The following CELF2 variants were observed in gnomAD, a reference collection of about 807,000 sequenced individuals.
The protein encoded by CELF2 is CUGBP Elav-like family member 2.
Under a neutral mutation model 62.6 loss-of-function variants are expected in CELF2, and 8 were observed. The ratio of observed to expected loss-of-function variants is 0.13; its 90% CI spans 0.07 to 0.23. CELF2 has a LOEUF of 0.23. CELF2 is among the 10% of genes least tolerant of loss of function. CELF2 has a pLI of 1.00. For synonymous variants in CELF2, 258 were observed against 250.0 expected, an observed-to-expected ratio of 1.03 and a Z score of -0.30; for missense variants, 333 against 671.0, an observed-to-expected ratio of 0.50 and a Z score of 5.56.
At chr10:10,837,515 C>T (rs1176574705) in intron 1 of CELF2, among the ~76,000 whole-genome samples, 1 of 152,166 alleles carries the variant, frequency 6.6e-6, no homozygotes, top group Non-Finnish European at 1.5e-5. Context: ...CCTTCTATCA[C>T]CCTTGTAGTG....
intron 1 of CELF2, among the ~76,000 whole-genome samples, chr10:10,802,456 C>T (rs368592194): frequency 2.6e-5 from 4 of 152,124 alleles, no homozygotes; most frequent in South Asian, 2.1e-4. Flanking sequence ...GGTGACAGAG[C>T]GAGACTCTGT....
intron 1 of CELF2, among the ~76,000 whole-genome samples, chr10:10,910,449 C>T (rs1372517999): frequency 6.6e-6 from 1 of 152,100 alleles, no homozygotes; most frequent in African/African-American, 2.4e-5. Flanking sequence ...AATCCCAACA[C>T]TTTGGGAGGC....
At chr10:10,989,659 T>C (rs1045645909) in intron 2 of CELF2, among the ~76,000 whole-genome samples, 1 of 152,118 alleles carries the variant, frequency 6.6e-6, no homozygotes, top group Non-Finnish European at 1.5e-5. Context: ...AAGCAAGTTA[T>C]TGAAATCTTT....
chr10:11,058,798 A>T (rs1594289392), intron 1 of CELF2, among the ~76,000 whole-genome samples: 1 of 148,856 alleles, frequency 6.7e-6, no homozygotes, highest in Non-Finnish European at 1.5e-5. Flanking sequence ...TGTTTTGTTT[A>T]GAGTTAGTAT....
At chr10:11,143,693 T>C (rs1321360925) in intron 1 of CELF2, among the ~76,000 whole-genome samples, 1 of 152,238 alleles carries the variant, frequency 6.6e-6, no homozygotes, top group Non-Finnish European at 1.5e-5. Context: ...TTTCGCTATT[T>C]CAAAATGGCT....
At chr10:10,668,585 T>C in the CELF2 span, among the ~76,000 whole-genome samples, 1 of 152,372 alleles carries the variant, frequency 6.6e-6, no homozygotes, top group African/African-American at 2.4e-5. Flanking sequence ...CTTCTGTTTT[T>C]ACTCTCTCTG....
chr10:10,866,564 C>T (rs1167759403), intron 1 of CELF2, among the ~76,000 whole-genome samples: 1 of 145,202 alleles, frequency 6.9e-6, no homozygotes, highest in East Asian at 2.1e-4. Context: ...GAAATCGTGC[C>T]ACTGCACTCC....
chr10:10,682,761 T>A, the CELF2 span, among the ~76,000 whole-genome samples: 172 of 152,350 alleles, frequency 1.1e-3, no homozygotes, highest in African/African-American at 3.6e-3. Context: ...ACTGTTTGAT[T>A]GCACATTTCT....
the CELF2 span, among the ~76,000 whole-genome samples, chr10:10,579,107 T>C: frequency 2.9e-4 from 44 of 151,040 alleles, 1 homozygote; most frequent in Admixed American, 2.9e-3. Flanking sequence ...GTTTAATTAA[T>C]GATTGAAGAA....
intron 9 of CELF2, among the ~76,000 whole-genome samples, chr10:11,289,496 G>T (rs948398930): frequency 6.6e-6 from 1 of 152,222 alleles, no homozygotes; most frequent in East Asian, 1.9e-4. Flanking sequence ...AGAGCTGGCA[G>T]TTCTCAAAAG....
the CELF2 span, among the ~76,000 whole-genome samples, chr10:10,656,219 C>A: frequency 1.3e-5 from 2 of 150,648 alleles, no homozygotes; most frequent in Non-Finnish European, 3.0e-5. Context: ...AGTCAGGAAA[C>A]AACAGGTGCT....
At chr10:11,034,911 G>A (rs10795843) in intron 1 of CELF2, among the ~76,000 whole-genome samples, 1 of 151,848 alleles carries the variant, frequency 6.6e-6, no homozygotes, top group Admixed American at 6.6e-5. Context: ...ATTGACATTC[G>A]AGATCCAACC....
chr10:10,462,671 G>T, the CELF2 span, among the ~76,000 whole-genome samples: 12 of 92,480 alleles, frequency 1.3e-4, no homozygotes, highest in Non-Finnish European at 5.9e-5. Context: ...TGAAGGCTTT[G>T]TCTGTCTAAT....
chr10:11,281,357 G>A (rs1366250982), intron 8 of CELF2, among the ~76,000 whole-genome samples: 2 of 152,188 alleles, frequency 1.3e-5, no homozygotes. Flanking sequence ...AGAACACGAC[G>A]AAGAGCACTG....
the CELF2 span, among the ~76,000 whole-genome samples, chr10:10,493,919 A>C: frequency 6.6e-6 from 1 of 152,154 alleles, no homozygotes; most frequent in Non-Finnish European, 1.5e-5. Flanking sequence ...CTGCCTAGAA[A>C]GTACCATTTT....
chr10:10,968,546 T>C (rs1373492609), intron 2 of CELF2, among the ~76,000 whole-genome samples: 1 of 151,946 alleles, frequency 6.6e-6, no homozygotes, highest in African/African-American at 2.4e-5. Context: ...GAAGTGGGAG[T>C]GTACAGGGAG....
the CELF2 span, among the ~76,000 whole-genome samples, chr10:10,754,810 G>T: frequency 2.0e-5 from 3 of 152,236 alleles, no homozygotes; most frequent in South Asian, 4.2e-4. Context: ...ATGCTCCAAG[G>T]CCTCTCCTAA....
chr10:10,760,658 C>T, the CELF2 span, among the ~76,000 whole-genome samples: 29 of 152,088 alleles, frequency 1.9e-4, no homozygotes, highest in African/African-American at 6.5e-4. Flanking sequence ...GCAGGGAACT[C>T]GGGAAGATTT....
chr10:11,144,070 C>T (rs559204028), intron 1 of CELF2, among the ~76,000 whole-genome samples: 1 of 152,170 alleles, frequency 6.6e-6, no homozygotes, highest in Admixed American at 6.5e-5. Context: ...GGTTCACTCT[C>T]TAGGCCTCTG....
Sources: gnomAD v4.1 joint callset for allele counts (sites outside exome capture counted in the v4.1 genomes callset) on GRCh38, gnomAD v4.1.1 for gene constraint, MANE v1.5 for transcripts, NCBI Gene and HGNC (gene_info 2026-07-23, HGNC 2026-07-21) for gene names.